Variants in TMEM132D observed in about 807,000 individuals in gnomAD.
TMEM132D encodes the protein transmembrane protein 132D, also known as mature OL transmembrane protein.
TMEM132D carries 21 observed loss-of-function variants against 62.3 expected under a neutral mutation model. The observed-to-expected ratio is 0.34, with a 90% CI of 0.24 to 0.49. The LOEUF (loss-of-function observed/expected upper bound fraction) is 0.49. Ranked by LOEUF, TMEM132D falls within the 20% of genes least tolerant of loss-of-function variation. The probability of loss-of-function intolerance (pLI) is 0.99; values close to 1 mark genes in which losing one functional copy is unlikely to be tolerated. For synonymous variants in TMEM132D, 621 were observed against 575.6 expected (o/e 1.08, Z -1.13); for missense variants, 1,346 against 1,402.8 (o/e 0.96, Z 0.65).
At chr12:129,620,742 G>C (rs188323875) in intron 2 of TMEM132D, among the ~76,000 whole-genome samples, 209 of 152,290 alleles carry the variant, frequency 1.4e-3, no homozygotes, top group African/African-American at 4.9e-3. Context: ...AACACCACAT[G>C]TTCTCACTTA....
intron 5 of TMEM132D, among the ~76,000 whole-genome samples, chr12:129,120,164 G>A (rs1876013493): frequency 6.6e-6 from 1 of 152,168 alleles, no homozygotes; most frequent in African/African-American, 2.4e-5. Context: ...AAGACCATTA[G>A]GGTGTTTTGT....
chr12:129,506,316 T>A (rs1875329373), intron 3 of TMEM132D, among the ~76,000 whole-genome samples: 1 of 152,132 alleles, frequency 6.6e-6, no homozygotes, highest in Non-Finnish European at 1.5e-5. Context: ...GCAATTCCCT[T>A]CAAAATACCA....
chr12:129,108,627 G>A (rs956206009), intron 5 of TMEM132D, among the ~76,000 whole-genome samples: 1 of 152,120 alleles, frequency 6.6e-6, no homozygotes, highest in Admixed American at 6.5e-5. Context: ...TATCTCCTCT[G>A]CCAATTCTGG....
chr12:129,617,857 G>A (rs371465134), intron 2 of TMEM132D, among the ~76,000 whole-genome samples: 1 of 152,152 alleles, frequency 6.6e-6, no homozygotes, highest in South Asian at 2.1e-4. Flanking sequence ...AATACATGGG[G>A]GTTAATATGA....
intron 2 of TMEM132D, among the ~76,000 whole-genome samples, chr12:129,541,277 C>T (rs896545444): frequency 1.2e-4 from 18 of 152,146 alleles, no homozygotes; most frequent in Admixed American, 8.5e-4. Context: ...CTGATTTGCC[C>T]TCTGCCTAAT....
At chr12:129,765,589 G>GA (rs372058576) in intron 1 of TMEM132D, among the ~76,000 whole-genome samples, 41 of 143,998 alleles carry the variant, frequency 2.8e-4, no homozygotes, top group Admixed American at 6.2e-4. Flanking sequence ...AAAAGACCCA[G>GA]AAAAAAAAAA....
intron 5 of TMEM132D, among the ~76,000 whole-genome samples, chr12:129,193,020 C>T (rs751944281): frequency 3.4e-4 from 52 of 151,936 alleles, no homozygotes; most frequent in African/African-American, 9.2e-4. Context: ...TAGCCGAGCG[C>T]GGTGGCAGGT....
intron 1 of TMEM132D, among the ~76,000 whole-genome samples, chr12:129,740,902 C>T (rs113882786): frequency 1.0e-3 from 152 of 152,336 alleles, no homozygotes; most frequent in African/African-American, 3.2e-3. Flanking sequence ...CCTGTACACA[C>T]TATTCAGGTG....
intron 1 of TMEM132D, among the ~76,000 whole-genome samples, chr12:129,753,977 T>C (rs1870082232): frequency 6.6e-6 from 1 of 152,202 alleles, no homozygotes; most frequent in African/African-American, 2.4e-5. Context: ...TGTTCTAGCA[T>C]AGGTGTGAAG....
intron 3 of TMEM132D, among the ~76,000 whole-genome samples, chr12:129,467,894 G>A (rs747499019): frequency 6.6e-6 from 1 of 152,126 alleles, no homozygotes; most frequent in African/African-American, 2.4e-5. Context: ...GCCCAGAACC[G>A]CGCTTTAGAG....
rs115183744 is a variant in TMEM132D, at chr12:129,582,349, G to A, written c.969-51144C>T. Among the ~76,000 whole-genome samples the A allele has an allele frequency of 7.4e-3, 1,124 of 152,260 alleles. 14 individuals are homozygous for A. The highest frequency in any genetic ancestry group is 0.026 in the African/African-American group (1,080 of 41,538). Reference sequence around the variant, plus strand: ...ACTCATCTGACACTTAGTTTACTTCGGAGTGTGGTCCTGGTACTTACCCCC... The same window carrying A: ...ACTCATCTGACACTTAGTTTACTTCAGAGTGTGGTCCTGGTACTTACCCCC... On this transcript the variant is annotated intron_variant, in intron 2 of 8. Transcript: ENST00000422113.
At chr12:129,786,886 G>A (rs1333002324) in intron 1 of TMEM132D, among the ~76,000 whole-genome samples, 2 of 152,118 alleles carry the variant, frequency 1.3e-5, no homozygotes, top group Admixed American at 6.5e-5. Context: ...GTGAGACCCT[G>A]TCTCAAAATG....
At chr12:129,707,818 G>T (rs560809509) in intron 1 of TMEM132D, among the ~76,000 whole-genome samples, 1 of 152,206 alleles carries the variant, frequency 6.6e-6, no homozygotes, top group Non-Finnish European at 1.5e-5. Context: ...AACAGGAAGA[G>T]CCAGATCGCT....
At chr12:129,860,165 G>A (rs117715042) in intron 1 of TMEM132D, among the ~76,000 whole-genome samples, 2,127 of 152,260 alleles carry the variant, frequency 0.014, 22 homozygotes, top group Non-Finnish European at 0.022. Context: ...GCCCCACTCT[G>A]CCTCTGTGGA....
chr12:129,573,256 C>A (rs1009747969), intron 2 of TMEM132D, among the ~76,000 whole-genome samples: 1 of 152,102 alleles, frequency 6.6e-6, no homozygotes, highest in Admixed American at 6.5e-5. Flanking sequence ...GAGCAGAGGG[C>A]GCTGGAGAGG....
chr12:129,691,285 A>G (rs182583912), intron 2 of TMEM132D, among the ~76,000 whole-genome samples: 49 of 152,124 alleles, frequency 3.2e-4, no homozygotes, highest in African/African-American at 1.1e-3. Flanking sequence ...GTAGACACCT[A>G]AAGAACAAAT....
intron 2 of TMEM132D, among the ~76,000 whole-genome samples, chr12:129,612,829 T>C (rs1024238120): frequency 6.6e-6 from 1 of 152,170 alleles, no homozygotes; most frequent in African/African-American, 2.4e-5. Flanking sequence ...ATCACGCCAC[T>C]GTACTCCAGC....
chr12:129,718,586 G>A (rs900964053), intron 1 of TMEM132D, among the ~76,000 whole-genome samples: 9 of 152,162 alleles, frequency 5.9e-5, no homozygotes, highest in African/African-American at 1.4e-4. Flanking sequence ...GGGAGAAAAA[G>A]GAAGAAAGTG....
chr12:129,850,185 G>A (rs1873495052), intron 1 of TMEM132D, among the ~76,000 whole-genome samples: 1 of 152,110 alleles, frequency 6.6e-6, no homozygotes, highest in East Asian at 1.9e-4. Context: ...TCTGTCTCCT[G>A]TGCTCACATT....
Sources: gnomAD v4.1 joint callset for allele counts (sites outside exome capture counted in the v4.1 genomes callset) on GRCh38, gnomAD v4.1.1 for gene constraint, MANE v1.5 for transcripts, NCBI Gene and HGNC (gene_info 2026-07-23, HGNC 2026-07-21) for gene names.